The following HTR2C variants were observed in gnomAD, a reference collection of about 807,000 sequenced individuals.
The protein encoded by HTR2C is 5-hydroxytryptamine (serotonin) receptor 2C, G protein-coupled.
A neutral mutation model predicts 21.0 loss-of-function variants in HTR2C; 5 were observed. That is an observed-to-expected ratio of 0.24 (90% CI 0.12 to 0.50). The LOEUF (loss-of-function observed/expected upper bound fraction) is 0.50. Ranked by LOEUF, HTR2C falls within the 20% of genes least tolerant of loss-of-function variation. The probability of loss-of-function intolerance (pLI) is 0.98; values close to 1 mark genes in which losing one functional copy is unlikely to be tolerated. For synonymous variants in HTR2C, 150 were observed against 145.3 expected (o/e 1.03, Z -0.23); for missense variants, 271 against 371.2 (o/e 0.73, Z 2.22).
chrX:114,772,140 A>C (rs188721755), intron 4 of HTR2C, among the ~76,000 whole-genome samples: 1 of 112,169 alleles, frequency 8.9e-6, no homozygotes, highest in Admixed American at 9.5e-5. Context: ...AGATTCTAAA[A>C]CAGTTGATTT....
chrX:114,779,785 C>T (rs1366722767), intron 4 of HTR2C, among the ~76,000 whole-genome samples: 3 of 111,821 alleles, frequency 2.7e-5, no homozygotes, highest in Non-Finnish European at 5.6e-5. Flanking sequence ...GGATTGGAGA[C>T]ATTGGGTACA....
rs1272492769 is a variant in HTR2C, at chrX:114,679,752, A to G, written c.-79-47106A>G. ...AGATGTAAACAGAAGAGGAAATTACATGTTAAAAAGATAGAGTCTTGCCCA... is the reference window on the plus strand; with the variant it reads ...AGATGTAAACAGAAGAGGAAATTACGTGTTAAAAAGATAGAGTCTTGCCCA... On this transcript the variant is annotated intron_variant, in intron 2 of 5. Transcript: ENST00000276198. Among the ~76,000 whole-genome samples the G allele has an allele frequency of 9.0e-5, 10 of 111,698 alleles. 1 individual carries two copies. In the Admixed American group the frequency reaches 9.6e-4, roughly 11 times the overall value.
intron 2 of HTR2C, among the ~76,000 whole-genome samples, chrX:114,702,092 C>T (rs1932537002): frequency 9.0e-6 from 1 of 111,317 alleles, no homozygotes; most frequent in Non-Finnish European, 1.9e-5. Flanking sequence ...GATTGGTGTA[C>T]CTGAAAGTGA....
intron 1 of HTR2C, among the ~76,000 whole-genome samples, chrX:114,612,464 A>G (rs1316093749): frequency 1.8e-5 from 2 of 112,293 alleles, no homozygotes; most frequent in African/African-American, 6.5e-5. Flanking sequence ...CTGCAAAAAT[A>G]TAGCTGGCTA....
At chrX:114,884,917 TC>T (rs2071209227) in intron 5 of HTR2C, among the ~76,000 whole-genome samples, 1 of 111,559 alleles carries the variant, frequency 9.0e-6, no homozygotes, top group African/African-American at 3.3e-5. Context: ...ATATTCTTTA[TC>T]CTTTAAAGTT....
In HTR2C at chrX:114,704,007, AG is replaced by A. The variant is rs201368566; in HGVS notation, c.-79-22849del. 9.7e-3 allele frequency among the ~76,000 whole-genome samples: 1,074 copies of A among 110,922 alleles called. 14 individuals are homozygous for A. Among genetic ancestry groups the A allele is most frequent in the African/African-American group, 0.033 (1,015 of 30,585 alleles). Reference sequence around the variant, plus strand: ...ACATACACCCTCCCAAGAATAAACCAGGAAGAAATTGAATCTCTGAATAGAC... The same window carrying A: ...ACATACACCCTCCCAAGAATAAACCAGAAGAAATTGAATCTCTGAATAGAC... On this transcript the variant is annotated intron_variant, in intron 2 of 5. Transcript: ENST00000276198.
intron 2 of HTR2C, among the ~76,000 whole-genome samples, chrX:114,688,373 C>G (rs1203753670): frequency 9.2e-6 from 1 of 108,790 alleles, no homozygotes; most frequent in African/African-American, 3.3e-5. Flanking sequence ...CATCTGGGAA[C>G]AAGTGCTACT....
At chrX:114,744,878 C>G (rs1192727265) in intron 4 of HTR2C, among the ~76,000 whole-genome samples, 1 of 112,006 alleles carries the variant, frequency 8.9e-6, no homozygotes, top group Non-Finnish European at 1.9e-5. Context: ...ACTGCAAAAC[C>G]TGTAGACATT....
intron 5 of HTR2C, among the ~76,000 whole-genome samples, chrX:114,888,982 A>G (rs2071240656): frequency 8.9e-6 from 1 of 112,037 alleles, no homozygotes; most frequent in African/African-American, 3.2e-5. Flanking sequence ...GACAGTTTCT[A>G]CTGATTACTT....
intron 5 of HTR2C, among the ~76,000 whole-genome samples, chrX:114,897,654 G>T (rs1376444070): frequency 2.7e-5 from 3 of 111,962 alleles, no homozygotes; most frequent in African/African-American, 9.7e-5. Flanking sequence ...AGAAGACAAG[G>T]TATTTGCTTT....
At chrX:114,593,766 T>C (rs2147789075) in intron 1 of HTR2C, among the ~76,000 whole-genome samples, 1 of 111,924 alleles carries the variant, frequency 8.9e-6, no homozygotes, top group Admixed American at 9.6e-5. Context: ...ACTGGATGGT[T>C]ACTGAGATAA....
At chrX:114,737,092 C>T (rs1446895756) in intron 4 of HTR2C, among the ~76,000 whole-genome samples, 1 of 105,442 alleles carries the variant, frequency 9.5e-6, no homozygotes, top group Non-Finnish European at 2.0e-5. Flanking sequence ...AAAAAGAGAA[C>T]AAAAGAAAGC....
chrX:114,820,046 G>A (rs188098148), intron 4 of HTR2C, among the ~76,000 whole-genome samples: 23 of 110,100 alleles, frequency 2.1e-4, no homozygotes, highest in African/African-American at 7.6e-4. Flanking sequence ...AAATGGAGGG[G>A]GTGTAACAAG....
chrX:114,869,288 G>A (rs1046687146), intron 5 of HTR2C, among the ~76,000 whole-genome samples: 2 of 111,503 alleles, frequency 1.8e-5, no homozygotes, highest in Non-Finnish European at 1.9e-5. Flanking sequence ...TGTGAATAGT[G>A]CCACAATAAA....
intron 2 of HTR2C, among the ~76,000 whole-genome samples, chrX:114,633,943 T>C (rs1253095830): frequency 2.3e-4 from 5 of 21,393 alleles, no homozygotes; most frequent in Non-Finnish European, 2.7e-4. Context: ...TATATATATA[T>C]ATATAGAGAG....
At chrX:114,641,035 T>C (rs1370411880) in intron 2 of HTR2C, among the ~76,000 whole-genome samples, 12 of 8,607 alleles carry the variant, frequency 1.4e-3, no homozygotes, top group South Asian at 0.013. Context: ...TTTCTTCCTT[T>C]CTTTCTTTCT....
intron 4 of HTR2C, among the ~76,000 whole-genome samples, chrX:114,742,245 C>T (rs1448110056): frequency 9.0e-6 from 1 of 111,470 alleles, no homozygotes; most frequent in Non-Finnish European, 1.9e-5. Context: ...TTTCTTAATT[C>T]TGCGTTTAAA....
At chrX:114,726,688 GCT>G (rs1449688933) in intron 2 of HTR2C, among the ~76,000 whole-genome samples, 168 bp from the exon 3 acceptor site, 1 of 112,182 alleles carries the variant, frequency 8.9e-6, no homozygotes, top group Non-Finnish European at 1.9e-5. Context: ...TGAAAAATCT[GCT>G]CTCTTTGCCA....
Position 114,860,227 on chromosome X carries a change from A to G in HTR2C, c.550+12024A>G, listed in dbSNP as rs187631909. Among the ~76,000 whole-genome samples, 514 of 111,655 alleles carry G rather than the reference A, an allele frequency of 4.6e-3. 5 individuals carry two copies. The highest frequency in any genetic ancestry group is 0.016 in the African/African-American group (495 of 30,919). Reference sequence around the variant, plus strand: ...AGTTGTGTTAAAATCTCTGACAATCATCATGGATTTGTCTATCTCTCCTTT... The same window carrying G: ...AGTTGTGTTAAAATCTCTGACAATCGTCATGGATTTGTCTATCTCTCCTTT... On this transcript the variant is annotated intron_variant, in intron 5 of 5. Coordinates refer to ENST00000276198, the MANE Select transcript of HTR2C (RefSeq NM_000868.4).
Sources: allele counts gnomAD v4.1 joint callset (sites outside exome capture counted in the v4.1 genomes callset), GRCh38; gene constraint gnomAD v4.1.1; transcripts MANE v1.5; gene names NCBI Gene and HGNC (gene_info 2026-07-23, HGNC 2026-07-21).